Variants in GGA1 observed in about 807,000 individuals in gnomAD.
GGA1 encodes the protein ADP-ribosylation factor-binding protein GGA1.
A neutral mutation model predicts 76.9 loss-of-function variants in GGA1; 18 were observed. The ratio of observed to expected loss-of-function variants is 0.23; its 90% confidence interval spans 0.16 to 0.35. GGA1 has a LOEUF of 0.35. Among genes scored for constraint, GGA1 ranks in the 10% least tolerant of loss-of-function variants. The pLI is 1.00. For synonymous variants in GGA1, 342 were observed against 354.7 expected (o/e 0.96, Z 0.40); for missense variants, 755 against 859.0 (o/e 0.88, Z 1.51).
rs755824237 is a variant in GGA1 at position 37,630,021 on chromosome 22, A to G, written c.1182A>G (p.Pro394=). ...AGTCGTCGGATGCCACTGAGCCCCC[A>G]GCCCCTGCTCTGGCCCAGGCCCCCA... ...SFQSSDATEP[P]APALAQAPSM... The change falls in exon 13 of 17, where the codon CCA becomes CCG. Residue 394 remains proline (P), a synonymous_variant. Transcript: ENST00000343632. The G allele has an allele frequency of 6.3e-7, 1 of 1,574,944 alleles. No homozygotes were observed. The highest frequency in any genetic ancestry group is 8.6e-7 in the Non-Finnish European group (1 of 1,160,946).
Position 37,632,474 on chromosome 22 carries a change from T to G in GGA1, c.1768T>G (p.Ser590Ala), listed in dbSNP as rs1179550231. ...LPAFNPIVHPSAITQVLLLAN... is the reference protein window; with the variant it reads ...LPAFNPIVHPAAITQVLLLAN... ...AGCTTTTAACCCCATCGTCCACCCC[T>G]CAGCAATCACCCAGGTCCTGCTGCT... Residue 590 changes from serine to alanine, a missense_variant, in exon 16 of 17, where the codon TCA (serine) becomes GCA (alanine). Coordinates refer to ENST00000343632, the MANE Select transcript of GGA1 (RefSeq NM_013365.5). This position sits in a 1 kb window ranked among gnomAD's most constrained non-coding sequence, Gnocchi z 5.1. 1 of 1,613,870 alleles carries G rather than the reference T, an allele frequency of 6.2e-7. No homozygotes were observed. Among genetic ancestry groups the G allele is most frequent in the Non-Finnish European group, 8.5e-7 (1 of 1,179,816 alleles).
In GGA1 at chr22:37,632,090, G is replaced by A. The variant is rs757261651; in HGVS notation, c.1623G>A (p.Leu541=). 3.7e-6 allele frequency: 6 copies of A among 1,613,312 alleles called. No homozygotes were observed. The Admixed American group carries it at 1.0e-4, about 27-fold the overall frequency. The change falls in exon 15 of 17, where the codon CTG becomes CTA. Residue 541 remains leucine (L), a synonymous_variant. Transcript: ENST00000343632. This position sits in a 1 kb window ranked among gnomAD's most constrained non-coding sequence, Gnocchi z 5.1. ...RDPLPGRSDV[L]VVVVSMLSTA... ...CACTGCCAGGGCGCTCCGACGTGCT[G>A]GTGGTGGTGGTTTCCATGCTGAGCA...
At chr22:37,612,333 G>A (rs1453930589) in intron 1 of GGA1, among the ~76,000 whole-genome samples, 35 of 149,676 alleles carry the variant, frequency 2.3e-4, no homozygotes, top group African/African-American at 5.2e-4. Flanking sequence ...TTAGCCGGGC[G>A]TGGTGGCGGG....
At position 37,623,096 on chromosome 22, in the gene GGA1, G is replaced by T. The variant is rs1930181025; in HGVS notation, c.610-231G>T. 6.6e-6 allele frequency among the ~76,000 whole-genome samples: 1 copy of T among 152,258 alleles called. No individual in the cohort carries two copies. The highest frequency in any genetic ancestry group is 2.1e-4 in the South Asian group (1 of 4,838). ...CCCAGGTTCCTGGGCCATCTCTGAAGATCCTGATGAGCTTGTGCAGAGGCC... is the reference window on the plus strand; with the variant it reads ...CCCAGGTTCCTGGGCCATCTCTGAATATCCTGATGAGCTTGTGCAGAGGCC... On this transcript the variant is annotated intron_variant, in intron 7 of 16. Transcript: ENST00000343632. The surrounding 1 kb of genome is among the most constrained non-coding windows in gnomAD (Gnocchi z 4.6).
Position 37,632,804 on chromosome 22 carries a change from C to A in GGA1, c.*93C>A. ...GTGGCCAAGGACACCCTTTGTTGCC[C>A]ATGGCCATTCACCCCCAGGCCTGGT... is the stretch of plus-strand genomic sequence containing the variant. On this transcript the variant is annotated 3_prime_UTR_variant, in exon 17 of 17. Coordinates refer to ENST00000343632, the MANE Select transcript of GGA1 (RefSeq NM_013365.5). The surrounding 1 kb of genome is among the most constrained non-coding windows in gnomAD (Gnocchi z 5.1). The A allele has an allele frequency of 1.3e-6, 1 of 743,752 alleles. No individual in the cohort carries two copies. The highest frequency in any genetic ancestry group is 1.6e-5 in the South Asian group (1 of 64,364). 46.1% of individuals were successfully genotyped at this position (743,752 alleles called of 1,614,324 possible). A position where few individuals can be genotyped will look rare whatever the true frequency, so the allele number is the denominator to read the frequency against.
At chr22:37,620,042 C>G (rs542963708) in intron 4 of GGA1, 196 bp from the exon 5 acceptor site, 19 of 646,590 alleles carry the variant, frequency 2.9e-5, no homozygotes, top group Non-Finnish European at 1.7e-5. Context: ...ACACTGAGGG[C>G]TGACCCAGCT....
intron 7 of GGA1, among the ~76,000 whole-genome samples, chr22:37,622,893 G>T (rs552244608): frequency 6.8e-4 from 103 of 152,356 alleles, no homozygotes; most frequent in African/African-American, 2.4e-3. Flanking sequence ...ACAGACACTG[G>T]AAGGGTCTTC....
At position 37,623,576 on chromosome 22, in the gene GGA1, A is replaced by T. The variant is rs753292722; in HGVS notation, c.775A>T (p.Met259Leu). 6.2e-7 allele frequency: 1 copy of T among 1,610,372 alleles called. No homozygotes were observed. The highest frequency in any genetic ancestry group is 8.5e-7 in the Non-Finnish European group (1 of 1,178,290). ...GGAACTGTACCAGCGCTGTGAGCGG[A>T]TGCGGCCCACGCTCTTCCGACTGGC... The part of the protein sequence containing the change: ...MKELYQRCER[M>L]RPTLFRLASD... The change falls in exon 9 of 17, where the codon ATG (methionine) becomes TTG (leucine). Residue 259 changes from methionine (M) to leucine (L), a missense_variant. Met to Leu is a conservative substitution (Grantham distance 15, BLOSUM62 2). Transcript: ENST00000343632. This position sits in a 1 kb window ranked among gnomAD's most constrained non-coding sequence, Gnocchi z 4.6.
chr22:37,620,278 T>C lies in GGA1; in HGVS notation c.344T>C (p.Ile115Thr). ...ACATCGGAGAAGGTGAAGAACAAGA[T>C]CTTGGAGCTCCTCTACAGCTGGACA... is the stretch of plus-strand genomic sequence containing the variant. ...SRTSEKVKNK[I>T]LELLYSWTVG... Residue 115 changes from isoleucine to threonine, a missense_variant, in exon 5 of 17, where the codon ATC (isoleucine) becomes ACC (threonine). Ile to Thr is a moderately conservative substitution (Grantham distance 89). Transcript: ENST00000343632. The C allele has an allele frequency of 6.2e-7, 1 of 1,613,564 alleles. No individual in the cohort carries two copies. The highest frequency in any genetic ancestry group is 8.5e-7 in the Non-Finnish European group (1 of 1,179,806).
chr22:37,631,546 T>C (rs566013240), intron 14 of GGA1, among the ~76,000 whole-genome samples: 49 of 152,294 alleles, frequency 3.2e-4, no homozygotes, highest in African/African-American at 1.2e-3. Flanking sequence ...CATTGCCCTC[T>C]ATGAGCTCCC....
In GGA1 at chr22:37,625,716, T is replaced by G. The variant is rs565554607; in HGVS notation, c.941-81T>G. On this transcript the variant is annotated intron_variant, in intron 10 of 16. Coordinates refer to ENST00000343632, the MANE Select transcript of GGA1 (RefSeq NM_013365.5). The surrounding 1 kb of genome is among the most constrained non-coding windows in gnomAD (Gnocchi z 4.1). ...CAGTGGTAAAGCATCGGGGGTTAGG[T>G]GTTGCTCCCCCGCAACCCCTGTGGA... 1.3e-5 allele frequency: 14 copies of G among 1,085,492 alleles called. 1 individual carries two copies. In the South Asian group the frequency reaches 2.6e-4, roughly 20 times the overall value. The allele number at this position is 1,085,492 out of a possible 1,614,324, so 67.2% of individuals were successfully genotyped here.
chr22:37,620,440 A>AG, intron 5 of GGA1, 79 bp downstream of exon 5: 1 of 1,509,026 alleles, frequency 6.6e-7, no homozygotes, highest in African/African-American at 1.4e-5. Flanking sequence ...CAGCGGCTTC[A>AG]GGGGCTTCTG....
chr22:37,615,075 G>T (rs1244803524), intron 2 of GGA1, among the ~76,000 whole-genome samples: 2 of 152,184 alleles, frequency 1.3e-5, no homozygotes, highest in Admixed American at 1.3e-4. Context: ...TTACTGGGGA[G>T]GCCAAGGCGG....
chr22:37,609,403 C>T (rs1927050748), intron 1 of GGA1: 7 of 900,824 alleles, frequency 7.8e-6, no homozygotes, highest in Non-Finnish European at 9.7e-6. Context: ...AGGGAGGACC[C>T]ACTGCCCCAT....
Position 37,614,192 on chromosome 22 carries a change from A to G in GGA1, c.46A>G (p.Arg16Gly). 3.1e-6 allele frequency: 5 copies of G among 1,611,330 alleles called. No individual in the cohort carries two copies. Among genetic ancestry groups the G allele is most frequent in the South Asian group, 1.1e-5 (1 of 91,020 alleles). ...TGACCCCAGCTCTCCTCTTCCAGAT[A>G]GAGCCACGAACCCCCTGAACAAGGA... ...EPETLEARIN[R>G]ATNPLNKELD... Residue 16 changes from arginine to glycine, a missense_variant and splice_region_variant, in exon 2 of 17, where the codon AGA becomes GGA. Physicochemically the swap from Arg to Gly is moderately radical, Grantham distance 125 (BLOSUM62 -2). Transcript: ENST00000343632.
chr22:37,620,085 C>A, intron 4 of GGA1, 153 bp from the exon 5 acceptor site: 2 of 761,872 alleles, frequency 2.6e-6, no homozygotes, highest in Non-Finnish European at 4.5e-6. Context: ...TGAACTCAGT[C>A]TACCCCAGGC....
intron 2 of GGA1, 87 bp from the exon 3 acceptor site, chr22:37,616,835 G>A: frequency 7.0e-7 from 1 of 1,429,796 alleles, no homozygotes; most frequent in Admixed American, 2.9e-5. Context: ...TTGGAGGAGG[G>A]CTGCAGTCCC....
At chr22:37,613,459 G>A (rs545539845) in intron 1 of GGA1, among the ~76,000 whole-genome samples, 171 of 152,106 alleles carry the variant, frequency 1.1e-3, no homozygotes, top group African/African-American at 4.0e-3. Flanking sequence ...GGAGGGCAGT[G>A]GCGAGACCTC....
chr22:37,615,474 T>G (rs1928598687), intron 2 of GGA1, among the ~76,000 whole-genome samples: 1 of 150,306 alleles, frequency 6.7e-6, no homozygotes, highest in African/African-American at 2.5e-5. Flanking sequence ...AAATAAATAA[T>G]AAAAAATAAG....
Sources: allele counts gnomAD v4.1 joint callset (sites outside exome capture counted in the v4.1 genomes callset), GRCh38; gene constraint gnomAD v4.1.1; non-coding constraint Gnocchi (gnomAD v3.1); transcripts MANE v1.5; gene names NCBI Gene and HGNC (gene_info 2026-07-23, HGNC 2026-07-21).